KLRG1: variants seen among roughly 807,000 people sequenced by gnomAD.
The protein encoded by KLRG1 is killer cell lectin like receptor G1.
Under a neutral mutation model 21.8 loss-of-function variants are expected in KLRG1, and 16 were observed. That is an observed-to-expected ratio of 0.73 (90% confidence interval 0.50 to 1.11). KLRG1 has a LOEUF of 1.11. Ranked by LOEUF, KLRG1 falls within the 50% of genes most tolerant of loss-of-function variation. The probability of loss-of-function intolerance (pLI) is 0.00; values close to 1 mark genes in which losing one functional copy is unlikely to be tolerated. For synonymous variants in KLRG1, 69 were observed against 75.9 expected (o/e 0.91, Z 0.47); for missense variants, 173 against 218.3 (o/e 0.79, Z 1.31).
chr12:9,127,850 G>C, the KLRG1 span: 1 of 246,426 alleles, frequency 4.1e-6, no homozygotes, highest in Non-Finnish European at 8.3e-6. Flanking sequence ...GAAGATCTGC[G>C]ACTGGGCCCC....
chr12:9,155,436 G>A, the KLRG1 span, among the ~76,000 whole-genome samples: 1 of 152,020 alleles, frequency 6.6e-6, no homozygotes, highest in Non-Finnish European at 1.5e-5. Flanking sequence ...GTTCTTTCCT[G>A]CTAATTCAAC....
At chr12:9,203,739 G>A in the KLRG1 span, 1 of 1,612,200 alleles carries the variant, frequency 6.2e-7, no homozygotes, top group Non-Finnish European at 8.5e-7. Flanking sequence ...TATCAAGCAG[G>A]GATAGCCAGC....
intron 1 of KLRG1, among the ~76,000 whole-genome samples, chr12:8,950,694 C>A (rs1441310522): frequency 6.6e-6 from 1 of 151,906 alleles, no homozygotes; most frequent in Non-Finnish European, 1.5e-5. Context: ...TGTTTTGAGT[C>A]TAATAATAAT....
At chr12:9,192,078 T>G in the KLRG1 span, 1 of 850,586 alleles carries the variant, frequency 1.2e-6, no homozygotes, top group South Asian at 1.5e-5. Context: ...TTTTCCTGCG[T>G]GTCCTCCTTA....
At chr12:8,983,721 G>A (rs1323241073) in intron 1 of KLRG1, among the ~76,000 whole-genome samples, 1 of 151,968 alleles carries the variant, frequency 6.6e-6, no homozygotes, top group African/African-American at 2.4e-5. Context: ...TTTTAAAGAT[G>A]ACATCTCATT....
chr12:9,007,802 C>A (rs770039724), intron 3 of KLRG1, among the ~76,000 whole-genome samples: 1 of 152,004 alleles, frequency 6.6e-6, no homozygotes, highest in Non-Finnish European at 1.5e-5. Flanking sequence ...TATTTTATTC[C>A]AAAGGTATTT....
chr12:8,993,157 G>A lies in KLRG1; in HGVS notation c.187+847G>A, dbSNP rs145395780. ...CTAATTTTTAAGTTTAGTTCTTCTAGGACCTTAAATCTGGTGATCTAGAGG... is the reference window on the plus strand; with the variant it reads ...CTAATTTTTAAGTTTAGTTCTTCTAAGACCTTAAATCTGGTGATCTAGAGG... On this transcript the variant is annotated intron_variant, in intron 2 of 4. Transcript: ENST00000356986. Among the ~76,000 whole-genome samples, 73 of 148,766 alleles carry A rather than the reference G, an allele frequency of 4.9e-4. 1 individual carries two copies. The East Asian group carries it at 0.01, about 21-fold the overall frequency.
At chr12:9,026,752 C>G in the KLRG1 span, among the ~76,000 whole-genome samples, 1 of 151,910 alleles carries the variant, frequency 6.6e-6, no homozygotes, top group South Asian at 2.1e-4. Flanking sequence ...GCTTATTTGT[C>G]AGTCATATGT....
chr12:9,025,822 G>A, the KLRG1 span, among the ~76,000 whole-genome samples: 149 of 152,260 alleles, frequency 9.8e-4, 2 homozygotes, highest in African/African-American at 3.5e-3. Flanking sequence ...CAAGTGATAG[G>A]GAAGTAAACT....
the KLRG1 span, chr12:9,149,427 T>G: frequency 7.2e-6 from 6 of 829,166 alleles, no homozygotes; most frequent in Admixed American, 2.7e-5. Context: ...CGCCACAGTT[T>G]TGTCTTGGTG....
chr12:9,105,224 C>A, the KLRG1 span, among the ~76,000 whole-genome samples: 47 of 152,232 alleles, frequency 3.1e-4, 1 homozygote, highest in East Asian at 4.2e-3. Flanking sequence ...TTTACAAAAT[C>A]TAAGTTTGCC....
the KLRG1 span, among the ~76,000 whole-genome samples, chr12:9,056,814 A>G: frequency 6.6e-6 from 1 of 152,136 alleles, no homozygotes; most frequent in African/African-American, 2.4e-5. Flanking sequence ...TGGCCTCCCA[A>G]ACTGCTGGGA....
chr12:9,079,274 T>TC, the KLRG1 span: 1 of 1,613,722 alleles, frequency 6.2e-7, no homozygotes, highest in Non-Finnish European at 8.5e-7. Flanking sequence ...GCCATATCGC[T>TC]CCCCAAAGGT....
the KLRG1 span, chr12:9,157,285 C>T: frequency 2.8e-4 from 451 of 1,613,956 alleles, no homozygotes; most frequent in African/African-American, 5.4e-3. Context: ...GACATGGCTC[C>T]CATGGGTCCC....
At chr12:9,096,369 G>A in the KLRG1 span, among the ~76,000 whole-genome samples, 1 of 152,182 alleles carries the variant, frequency 6.6e-6, no homozygotes, top group Admixed American at 6.5e-5. Flanking sequence ...ACAAAGCTTT[G>A]AGATGATAGA....
At chr12:9,159,919 A>C in the KLRG1 span, 1 of 1,586,244 alleles carries the variant, frequency 6.3e-7, no homozygotes. Flanking sequence ...TGAAACTCAG[A>C]ATAGATTTTC....
chr12:8,980,222 T>TTTTTTTTG (rs1023364922), intron 1 of KLRG1, among the ~76,000 whole-genome samples: 1 of 151,672 alleles, frequency 6.6e-6, no homozygotes, highest in Non-Finnish European at 1.5e-5. Context: ...CCTGGCCCTG[T>TTTTTTTTG]TTTTTTTGTT....
the KLRG1 span, chr12:9,068,620 A>G: frequency 1.2e-6 from 1 of 818,898 alleles, no homozygotes; most frequent in South Asian, 1.6e-5. Context: ...GACTTGATGG[A>G]GACAAAATGA....
chr12:9,006,514 T>C (rs1947479194), intron 3 of KLRG1, among the ~76,000 whole-genome samples: 1 of 152,202 alleles, frequency 6.6e-6, no homozygotes, highest in African/African-American at 2.4e-5. Flanking sequence ...GGCTAGATTG[T>C]GTAGGACTGT....
Sources: allele counts gnomAD v4.1 joint callset (sites outside exome capture counted in the v4.1 genomes callset), GRCh38; gene constraint gnomAD v4.1.1; transcripts MANE v1.5; gene names NCBI Gene and HGNC (gene_info 2026-07-23, HGNC 2026-07-21).